The following DOCK3 variants were observed in gnomAD, a reference collection of about 807,000 sequenced individuals.
DOCK3 encodes dedicator of cytokinesis 3, also known as dedicator of cytokinesis protein 3.
In DOCK3, 60 loss-of-function variants were observed where a neutral mutation model predicts 265.6. The observed-to-expected ratio is 0.23, with a 90% CI of 0.18 to 0.28. The LOEUF is 0.28. Ranked by LOEUF, DOCK3 falls within the 10% of genes least tolerant of loss-of-function variation. DOCK3 has a pLI of 1.00. For synonymous variants in DOCK3, 881 were observed against 938.0 expected, an observed-to-expected ratio of 0.94 and a Z score of 1.11; for missense variants, 1,981 against 2,594.3, an observed-to-expected ratio of 0.76 and a Z score of 5.14.
intron 12 of DOCK3, among the ~76,000 whole-genome samples, chr3:51,207,632 C>T (rs765281146): frequency 6.6e-6 from 1 of 152,178 alleles, no homozygotes; most frequent in Non-Finnish European, 1.5e-5. Context: ...AACTGACCTC[C>T]TTTATCTCTG....
Position 51,228,748 on chromosome 3 carries a change from C to G in DOCK3, c.1735C>G (p.Pro579Ala), listed in dbSNP as rs2090432493. Residue 579 changes from proline to alanine, a missense_variant, in exon 18 of 53, where the codon CCT becomes GCT. By Grantham distance (27) the Pro-to-Ala change is conservative. This residue lies in a region of DOCK3 where 1,357 missense variants were observed against 1,866.8 expected (regional missense o/e 0.73). Coordinates refer to ENST00000266037, the MANE Select transcript of DOCK3 (RefSeq NM_004947.5). ...KEDYNGCPNI[P>A]SSLIFQRSTK... ...GGACTACAATGGCTGCCCTAATATT[C>G]CTTCTAGCCTCATCTTCCAGCGCAG... The G allele has an allele frequency of 6.2e-7, 1 of 1,613,890 alleles. No individual in the cohort carries two copies. Among genetic ancestry groups the G allele is most frequent in the Non-Finnish European group, 8.5e-7 (1 of 1,179,892 alleles).
intron 2 of DOCK3, among the ~76,000 whole-genome samples, chr3:50,818,326 A>G (rs2044208469): frequency 6.6e-6 from 1 of 152,178 alleles, no homozygotes; most frequent in South Asian, 2.1e-4. Flanking sequence ...GGGGTTTTGT[A>G]ATGGGAATTG....
intron 7 of DOCK3, among the ~76,000 whole-genome samples, chr3:51,077,169 G>C (rs1456575730): frequency 1.3e-5 from 2 of 152,104 alleles, no homozygotes; most frequent in African/African-American, 4.8e-5. Context: ...TAGATGTTTG[G>C]AATTAAAATT....
intron 4 of DOCK3, chr3:50,900,801 T>G: frequency 2.4e-6 from 1 of 423,392 alleles, no homozygotes; most frequent in South Asian, 1.7e-5. Flanking sequence ...TGCCTGGGTA[T>G]CACCAGCGGA....
At chr3:51,356,361 G>A in intron 42 of DOCK3, 46 bp from the exon 43 acceptor site, 2 of 1,612,596 alleles carry the variant, frequency 1.2e-6, no homozygotes, top group Non-Finnish European at 1.7e-6. Flanking sequence ...GCAGGGTGTG[G>A]CAAAACTTGC....
chr3:51,212,476 T>G (rs940107581), intron 13 of DOCK3, among the ~76,000 whole-genome samples: 1 of 125,296 alleles, frequency 8.0e-6, no homozygotes, highest in Admixed American at 8.8e-5. Context: ...CACAACCCCC[T>G]CAAATTATGG....
intron 2 of DOCK3, among the ~76,000 whole-genome samples, chr3:50,796,258 C>A (rs548173716): frequency 5.2e-4 from 79 of 151,828 alleles, no homozygotes; most frequent in Non-Finnish European, 1.0e-3. Flanking sequence ...GTCTGGATCT[C>A]CTGACCTCGT....
intron 33 of DOCK3, among the ~76,000 whole-genome samples, 155 bp downstream of exon 33, chr3:51,330,378 A>C (rs531595642): frequency 6.6e-6 from 1 of 152,206 alleles, no homozygotes; most frequent in Non-Finnish European, 1.5e-5. Context: ...AACTTCTGTC[A>C]ACAAGAAACC....
At chr3:50,709,849 T>C (rs1434272180) in intron 1 of DOCK3, among the ~76,000 whole-genome samples, 1 of 152,028 alleles carries the variant, frequency 6.6e-6, no homozygotes, top group Non-Finnish European at 1.5e-5. Flanking sequence ...ACAGGTGGGC[T>C]TTATCAGGTC....
intron 21 of DOCK3, among the ~76,000 whole-genome samples, chr3:51,246,113 C>T (rs577097731): frequency 6.6e-6 from 1 of 152,250 alleles, no homozygotes; most frequent in South Asian, 2.1e-4. Flanking sequence ...AACAGGGACT[C>T]CTGGGACTGC....
intron 23 of DOCK3, among the ~76,000 whole-genome samples, chr3:51,267,219 G>A (rs1261648149): frequency 6.6e-6 from 1 of 152,118 alleles, no homozygotes; most frequent in African/African-American, 2.4e-5. Flanking sequence ...CACTGTTGGT[G>A]GAAGTGTAAA....
chr3:51,356,861 G>C, intron 43 of DOCK3, 101 bp from the exon 44 acceptor site: 1 of 1,363,542 alleles, frequency 7.3e-7, no homozygotes, highest in Middle Eastern at 2.6e-4. Flanking sequence ...CAGGAACAAG[G>C]AAGGGGAATC....
intron 12 of DOCK3, among the ~76,000 whole-genome samples, chr3:51,178,428 G>T (rs562723795): frequency 6.6e-6 from 1 of 152,174 alleles, no homozygotes; most frequent in Non-Finnish European, 1.5e-5. Flanking sequence ...AAAGTAGAGG[G>T]TTGCTCTTTG....
intron 9 of DOCK3, among the ~76,000 whole-genome samples, chr3:51,092,380 C>G (rs1217698130): frequency 6.6e-6 from 1 of 152,184 alleles, no homozygotes; most frequent in Admixed American, 6.5e-5. Context: ...TTTATGCTCA[C>G]GGTGTAAACA....
chr3:51,182,781 C>T (rs2087378300), intron 12 of DOCK3, among the ~76,000 whole-genome samples: 1 of 152,166 alleles, frequency 6.6e-6, no homozygotes, highest in Non-Finnish European at 1.5e-5. Flanking sequence ...CAGATGCTCT[C>T]TAAAATTCTC....
intron 1 of DOCK3, among the ~76,000 whole-genome samples, chr3:50,691,064 C>T (rs1340894521): frequency 6.6e-6 from 1 of 151,486 alleles, no homozygotes; most frequent in African/African-American, 2.4e-5. Context: ...AGGTGGATCA[C>T]GAGGTCAGGA....
chr3:50,755,389 G>A (rs2040097609), intron 1 of DOCK3, among the ~76,000 whole-genome samples: 1 of 152,106 alleles, frequency 6.6e-6, no homozygotes, highest in Non-Finnish European at 1.5e-5. Flanking sequence ...ACCATTAGTT[G>A]TAACACATCT....
intron 40 of DOCK3, among the ~76,000 whole-genome samples, chr3:51,353,340 A>C (rs958972727): frequency 2.0e-5 from 3 of 152,218 alleles, no homozygotes; most frequent in African/African-American, 4.8e-5. Context: ...GTCTGGGTGC[A>C]GTGGCTCATG....
intron 1 of DOCK3, among the ~76,000 whole-genome samples, chr3:50,711,550 C>A (rs2036771428): frequency 6.6e-6 from 1 of 152,154 alleles, no homozygotes; most frequent in African/African-American, 2.4e-5. Context: ...GCGTGAACCA[C>A]CGCGCCCGGC....
Sources: gnomAD v4.1 joint callset for allele counts (sites outside exome capture counted in the v4.1 genomes callset) on GRCh38, gnomAD v4.1.1 for gene constraint, gnomAD v4.1.1 regional missense constraint, MANE v1.5 for transcripts, NCBI Gene and HGNC (gene_info 2026-07-23, HGNC 2026-07-21) for gene names.